The following NKAIN3 variants were observed in gnomAD, a reference collection of about 807,000 sequenced individuals.
NKAIN3 encodes the protein sodium/potassium transporting ATPase interacting 3, also known as sodium/potassium-transporting ATPase subunit beta-1-interacting protein 3.
A neutral mutation model predicts 30.2 loss-of-function variants in NKAIN3; 25 were observed. The observed-to-expected ratio is 0.83, with a 90% CI of 0.60 to 1.16. The LOEUF (loss-of-function observed/expected upper bound fraction) is 1.16, where lower values mean the gene tolerates loss of function less well. Among genes scored for constraint, NKAIN3 ranks in the 50% most tolerant of loss-of-function variants. The pLI is 0.00. For synonymous variants in NKAIN3, 91 were observed against 89.6 expected (o/e 1.02, Z -0.09); for missense variants, 225 against 254.1 (o/e 0.89, Z 0.78).
intron 4 of NKAIN3, among the ~76,000 whole-genome samples, chr8:62,869,338 CT>C (rs1302509751): frequency 2.0e-5 from 3 of 152,172 alleles, no homozygotes; most frequent in African/African-American, 7.2e-5. Context: ...CCCCCGCCCC[CT>C]GACATGCGCA....
chr8:62,525,545 C>T (rs1412505634), intron 1 of NKAIN3, among the ~76,000 whole-genome samples: 2 of 152,122 alleles, frequency 1.3e-5, no homozygotes, highest in Admixed American at 6.6e-5. Context: ...TGGCCTCCAG[C>T]TCAATCCATG....
At chr8:62,478,789 T>C (rs1806603840) in intron 1 of NKAIN3, among the ~76,000 whole-genome samples, 1 of 152,196 alleles carries the variant, frequency 6.6e-6, no homozygotes, top group Non-Finnish European at 1.5e-5. Context: ...TGCTGACCCG[T>C]ATTTTTCTAA....
chr8:62,906,607 T>C (rs961944398), intron 4 of NKAIN3, among the ~76,000 whole-genome samples: 6 of 152,290 alleles, frequency 3.9e-5, no homozygotes, highest in African/African-American at 1.4e-4. Flanking sequence ...AACTGAATCA[T>C]GGGAGTGGGA....
intron 2 of NKAIN3, among the ~76,000 whole-genome samples, chr8:62,585,423 T>C (rs1810438753): frequency 6.6e-6 from 1 of 152,138 alleles, no homozygotes; most frequent in Non-Finnish European, 1.5e-5. Context: ...CTCATGAAAG[T>C]ATTTTGGCTA....
intron 5 of NKAIN3, among the ~76,000 whole-genome samples, chr8:62,926,088 T>C (rs951340338): frequency 5.9e-5 from 9 of 152,078 alleles, no homozygotes; most frequent in Non-Finnish European, 1.2e-4. Context: ...ATGTGGGATT[T>C]GGGATGCAGA....
At chr8:62,495,623 A>T (rs1446893111) in intron 1 of NKAIN3, among the ~76,000 whole-genome samples, 1 of 151,500 alleles carries the variant, frequency 6.6e-6, no homozygotes, top group Non-Finnish European at 1.5e-5. Flanking sequence ...AAAAATAAAG[A>T]TGTTTAATAA....
chr8:62,547,210 T>C (rs1465253659), intron 1 of NKAIN3, among the ~76,000 whole-genome samples: 5 of 152,170 alleles, frequency 3.3e-5, no homozygotes, highest in Non-Finnish European at 7.3e-5. Flanking sequence ...CTGCCTGGAT[T>C]TTCTTACATT....
intron 3 of NKAIN3, among the ~76,000 whole-genome samples, chr8:62,646,661 G>A (rs1179471209): frequency 6.6e-6 from 1 of 151,952 alleles, no homozygotes; most frequent in Non-Finnish European, 1.5e-5. Flanking sequence ...TTCATAATAT[G>A]AGCCCGTATT....
intron 1 of NKAIN3, among the ~76,000 whole-genome samples, chr8:62,459,430 C>T (rs1805921910): frequency 6.6e-6 from 1 of 152,208 alleles, no homozygotes; most frequent in Admixed American, 6.5e-5. Context: ...ACATTTATCA[C>T]ATACTCAGTA....
At chr8:62,420,571 G>A (rs1804604899) in intron 1 of NKAIN3, among the ~76,000 whole-genome samples, 1 of 152,098 alleles carries the variant, frequency 6.6e-6, no homozygotes, top group African/African-American at 2.4e-5. Flanking sequence ...CAGAAAATAT[G>A]GAGTTTATGT....
At chr8:62,341,595 C>T (rs556822427) in intron 1 of NKAIN3, among the ~76,000 whole-genome samples, 16 of 152,088 alleles carry the variant, frequency 1.1e-4, no homozygotes, top group Admixed American at 1.0e-3. Flanking sequence ...AAATATGATT[C>T]AATAAAATGC....
chr8:62,275,999 TA>T (rs1460416504), intron 1 of NKAIN3, among the ~76,000 whole-genome samples: 1 of 152,154 alleles, frequency 6.6e-6, no homozygotes, highest in Admixed American at 6.6e-5. Context: ...CAAAAAATAT[TA>T]AATCTGAGAG....
chr8:62,665,118 T>C (rs998692899), intron 3 of NKAIN3, among the ~76,000 whole-genome samples: 1 of 152,142 alleles, frequency 6.6e-6, no homozygotes, highest in African/African-American at 2.4e-5. Context: ...TGAGTCAGAA[T>C]CTCCATTTTA....
intron 4 of NKAIN3, among the ~76,000 whole-genome samples, chr8:62,797,222 T>C (rs1817890375): frequency 6.6e-6 from 1 of 152,224 alleles, no homozygotes; most frequent in Non-Finnish European, 1.5e-5. Context: ...ATGGATTTTT[T>C]CCAGACCCTA....
At chr8:62,794,383 A>G (rs1817794525) in intron 4 of NKAIN3, among the ~76,000 whole-genome samples, 1 of 152,120 alleles carries the variant, frequency 6.6e-6, no homozygotes. Context: ...ACAGTCACTA[A>G]TGAATGCTAT....
intron 1 of NKAIN3, among the ~76,000 whole-genome samples, chr8:62,474,831 AG>A (rs1806463523): frequency 6.6e-6 from 1 of 152,224 alleles, no homozygotes; most frequent in African/African-American, 2.4e-5. Flanking sequence ...TAAGGAATAA[AG>A]AACCCCAATA....
chr8:62,992,863 CT>C (rs1233964479), intron 5 of NKAIN3, among the ~76,000 whole-genome samples: 1 of 152,142 alleles, frequency 6.6e-6, no homozygotes, highest in Admixed American at 6.5e-5. Flanking sequence ...GAATCCTATA[CT>C]TGCCTTCGTG....
chr8:62,882,257 C>T (rs1821006070), intron 4 of NKAIN3, among the ~76,000 whole-genome samples: 1 of 151,934 alleles, frequency 6.6e-6, no homozygotes, highest in African/African-American at 2.4e-5. Flanking sequence ...TAATTAAGTT[C>T]AGCTTATAAA....
chr8:62,296,697 GA>G (rs1813842064), intron 1 of NKAIN3, among the ~76,000 whole-genome samples: 2 of 152,046 alleles, frequency 1.3e-5, no homozygotes, highest in Non-Finnish European at 2.9e-5. Context: ...GTATTGAGAG[GA>G]AAAAAATAAA....
Sources: gnomAD v4.1 joint callset for allele counts (sites outside exome capture counted in the v4.1 genomes callset) on GRCh38, gnomAD v4.1.1 for gene constraint, MANE v1.5 for transcripts, NCBI Gene and HGNC (gene_info 2026-07-23, HGNC 2026-07-21) for gene names.